The following CSMD3 variants were observed in gnomAD, a reference collection of about 807,000 sequenced individuals.
CSMD3 encodes the protein CUB and Sushi multiple domains 3, also known as CUB and sushi domain-containing protein 3.
Under a neutral mutation model 435.2 loss-of-function variants are expected in CSMD3, and 177 were observed. The observed-to-expected ratio is 0.41, with a 90% CI of 0.36 to 0.46. CSMD3 has a LOEUF of 0.46. Ranked by LOEUF, CSMD3 falls within the 20% of genes least tolerant of loss-of-function variation. CSMD3 has a pLI of 0.34. For synonymous variants in CSMD3, 1,656 were observed against 1,520.5 expected, an observed-to-expected ratio of 1.09 and a Z score of -2.07; for missense variants, 4,265 against 4,504.6, an observed-to-expected ratio of 0.95 and a Z score of 1.52.
intron 70 of CSMD3, among the ~76,000 whole-genome samples, chr8:112,227,006 A>G (rs1453156673): frequency 1.3e-5 from 2 of 152,184 alleles, no homozygotes; most frequent in East Asian, 3.9e-4. Context: ...TGTACAGAAC[A>G]CCTTGATGGT....
intron 42 of CSMD3, among the ~76,000 whole-genome samples, chr8:112,340,172 A>G (rs1401334349): frequency 6.6e-6 from 1 of 152,246 alleles, no homozygotes; most frequent in Non-Finnish European, 1.5e-5. Flanking sequence ...CACTTGCTAA[A>G]GTATATCACA....
intron 7 of CSMD3, among the ~76,000 whole-genome samples, chr8:112,966,281 A>G (rs1234205141): frequency 2.0e-5 from 3 of 151,674 alleles, no homozygotes; most frequent in Non-Finnish European, 4.4e-5. Flanking sequence ...GTTATGCTTT[A>G]AAGATGCTAT....
chr8:112,258,864 C>A (rs1816085269), intron 61 of CSMD3, among the ~76,000 whole-genome samples: 1 of 152,036 alleles, frequency 6.6e-6, no homozygotes, highest in Admixed American at 6.5e-5. Flanking sequence ...ACGGTGAAAC[C>A]CCATCTCTAC....
At chr8:112,844,232 G>GT (rs2080257106) in intron 11 of CSMD3, among the ~76,000 whole-genome samples, 1 of 151,832 alleles carries the variant, frequency 6.6e-6, no homozygotes, top group South Asian at 2.1e-4. Flanking sequence ...AAAATCATGA[G>GT]TTTTTTCCTA....
At chr8:112,556,983 G>A (rs2131227039) in intron 24 of CSMD3, 29 bp from the exon 25 acceptor site, 1 of 1,394,362 alleles carries the variant, frequency 7.2e-7, no homozygotes. Flanking sequence ...TTGATTAAAG[G>A]CAAAATTTAG....
At chr8:112,543,691 A>G (rs1826892814) in intron 27 of CSMD3, among the ~76,000 whole-genome samples, 1 of 152,162 alleles carries the variant, frequency 6.6e-6, no homozygotes, top group Admixed American at 6.6e-5. Flanking sequence ...AAATCTAAAA[A>G]TGAAACTACT....
chr8:113,097,210 T>C (rs924415051), intron 5 of CSMD3, among the ~76,000 whole-genome samples: 3 of 152,092 alleles, frequency 2.0e-5, no homozygotes, highest in African/African-American at 7.2e-5. Flanking sequence ...AAGCCTTGGA[T>C]GGAGAGTTGG....
At chr8:112,374,833 C>T (rs941848366) in intron 38 of CSMD3, among the ~76,000 whole-genome samples, 7 of 152,116 alleles carry the variant, frequency 4.6e-5, no homozygotes, top group Non-Finnish European at 2.9e-5. Flanking sequence ...CATAAATATC[C>T]TGCTCTATGT....
intron 6 of CSMD3, 90 bp from the exon 7 acceptor site, chr8:112,976,238 T>A: frequency 7.1e-7 from 1 of 1,418,380 alleles, no homozygotes; most frequent in Non-Finnish European, 9.8e-7. Context: ...TATTCTCTTC[T>A]ATTACCTTAA....
intron 17 of CSMD3, among the ~76,000 whole-genome samples, chr8:112,659,139 AGC>A (rs1333999465): frequency 0.016 from 2,430 of 152,276 alleles, 62 homozygotes; most frequent in African/African-American, 0.055. Flanking sequence ...TTAATAGAAT[AGC>A]AACATTAACT....
At chr8:113,056,720 G>A (rs533243510) in intron 5 of CSMD3, among the ~76,000 whole-genome samples, 5 of 152,128 alleles carry the variant, frequency 3.3e-5, no homozygotes, top group South Asian at 2.1e-4. Context: ...TATCATATAC[G>A]GAAAGTCCCC....
At chr8:112,488,944 T>C (rs958071496) in intron 31 of CSMD3, among the ~76,000 whole-genome samples, 21 of 152,150 alleles carry the variant, frequency 1.4e-4, no homozygotes, top group Admixed American at 3.9e-4. Context: ...TAGAGAGGGA[T>C]AAGGCAGATG....
chr8:112,928,209 T>C (rs558256940), intron 9 of CSMD3, among the ~76,000 whole-genome samples: 2 of 152,130 alleles, frequency 1.3e-5, no homozygotes, highest in South Asian at 4.1e-4. Flanking sequence ...CCAAAAGAAA[T>C]ACATTGTTCA....
intron 24 of CSMD3, among the ~76,000 whole-genome samples, chr8:112,568,050 T>C (rs1412982299): frequency 2.6e-5 from 4 of 152,276 alleles, no homozygotes; most frequent in Admixed American, 2.6e-4. Flanking sequence ...CCTGACTCAA[T>C]AAGGGAGTTG....
chr8:112,374,374 C>A (rs1007134033), intron 38 of CSMD3, among the ~76,000 whole-genome samples: 3 of 151,908 alleles, frequency 2.0e-5, no homozygotes, highest in Admixed American at 6.6e-5. Flanking sequence ...TTATCTGTAT[C>A]CTTTCAGTTT....
rs533381686 is a variant in CSMD3 at position 112,645,242 on chromosome 8, C to A, written c.3194-17G>T. 22 of 1,286,340 alleles carry A rather than the reference C, an allele frequency of 1.7e-5. No homozygotes were observed. Among genetic ancestry groups the A allele is most frequent in the Non-Finnish European group, 2.5e-5 (22 of 881,140 alleles). 79.7% of individuals were successfully genotyped at this position (1,286,340 alleles called of 1,614,324 possible). A position where few individuals can be genotyped will look rare whatever the true frequency, so the allele number is the denominator to read the frequency against. The stretch of plus-strand genomic sequence containing the variant: ...CACATAATGCTGAAATACAAAGAAA[C>A]AGATCCATGTGATCAGCAGTGAGAG... On this transcript the variant is annotated splice_polypyrimidine_tract_variant and intron_variant, in intron 19 of 70. Coordinates refer to ENST00000297405, the MANE Select transcript of CSMD3 (RefSeq NM_198123.2).
At position 112,263,824 on chromosome 8, in the gene CSMD3, T is replaced by G; in HGVS notation, c.9689-12A>C. 6.2e-7 allele frequency: 1 copy of G among 1,609,726 alleles called. No individual in the cohort carries two copies. The highest frequency in any genetic ancestry group is 8.5e-7 in the Non-Finnish European group (1 of 1,176,178). On this transcript the variant is annotated splice_polypyrimidine_tract_variant and intron_variant, in intron 60 of 70. Transcript: ENST00000297405. The stretch of plus-strand genomic sequence containing the variant: ...TGGGCAGGTAACAGCTGCAATTACA[T>G]TAAAAGTGATTAGACACAGCTGTTG...
chr8:112,738,518 T>C (rs2077234628), intron 13 of CSMD3, among the ~76,000 whole-genome samples: 1 of 151,792 alleles, frequency 6.6e-6, no homozygotes, highest in Admixed American at 6.6e-5. Flanking sequence ...AATTATGTCA[T>C]GCTAGGTACT....
rs149423548 is a variant in CSMD3 at position 112,895,642 on chromosome 8, A to C, written c.1633+25985T>G. Among the ~76,000 whole-genome samples the C allele has an allele frequency of 3.0e-3, 454 of 151,548 alleles. 1 individual carries two copies. The highest frequency in any genetic ancestry group is 0.01 in the African/African-American group (421 of 41,458). On this transcript the variant is annotated intron_variant, in intron 10 of 70. Coordinates refer to ENST00000297405, the MANE Select transcript of CSMD3 (RefSeq NM_198123.2). ...AGCGAGGGGAATCAAAGACAAATCC[A>C]AGAGACTGAACAGAAAAGATTTTTC...
Sources: gnomAD v4.1 joint callset for allele counts (sites outside exome capture counted in the v4.1 genomes callset) on GRCh38, gnomAD v4.1.1 for gene constraint, MANE v1.5 for transcripts, NCBI Gene and HGNC (gene_info 2026-07-23, HGNC 2026-07-21) for gene names.